ZNF682: variants seen among roughly 807,000 people sequenced by gnomAD.
ZNF682 encodes the protein zinc finger protein 682.
In ZNF682, 29 loss-of-function variants were observed where a neutral mutation model predicts 36.5. That is an observed-to-expected ratio of 0.80 (90% CI 0.59 to 1.08). The LOEUF (loss-of-function observed/expected upper bound fraction) is 1.08. Among genes scored for constraint, ZNF682 ranks in the 50% least tolerant of loss-of-function variants. The probability of loss-of-function intolerance (pLI) is 0.00; values close to 1 mark genes in which losing one functional copy is unlikely to be tolerated. For synonymous variants in ZNF682, 180 were observed against 197.0 expected (o/e 0.91, Z 0.72); for missense variants, 561 against 579.7 (o/e 0.97, Z 0.33).
intron 1 of ZNF682, among the ~76,000 whole-genome samples, chr19:20,025,752 T>C (rs1441070628): frequency 3.3e-5 from 5 of 151,368 alleles, no homozygotes; most frequent in Admixed American, 6.6e-5. Flanking sequence ...TCAACACACA[T>C]GGGCAGACAA....
downstream of ZNF682, among the ~76,000 whole-genome samples, chr19:20,000,319 T>C (rs567520309): frequency 1.3e-5 from 2 of 152,360 alleles, no homozygotes; most frequent in South Asian, 4.1e-4. Flanking sequence ...TGCTCTTCCA[T>C]GGTATTCTTA....
intron 1 of ZNF682, among the ~76,000 whole-genome samples, chr19:20,029,280 CTTTCT>C (rs2088459104): frequency 6.6e-6 from 1 of 150,920 alleles, no homozygotes; most frequent in South Asian, 2.1e-4. Flanking sequence ...CGCACCCAGC[CTTTCT>C]TTTGTTTTCT....
rs1303770572 is a variant in ZNF682, at chr19:20,005,965, C to A, written c.*40G>T. The A allele has an allele frequency of 1.3e-6, 2 of 1,528,490 alleles. No homozygotes were observed. The highest frequency in any genetic ancestry group is 1.4e-5 in the African/African-American group (1 of 71,936). The allele number at this position is 1,528,490 out of a possible 1,614,324, so 94.7% of individuals were successfully genotyped here. A position where few individuals can be genotyped will look rare whatever the true frequency, so the allele number is the denominator to read the frequency against. On this transcript the variant is annotated 3_prime_UTR_variant, in exon 4 of 4. Coordinates refer to ENST00000397165, the MANE Select transcript of ZNF682 (RefSeq NM_033196.3). The stretch of plus-strand genomic sequence containing the variant: ...TGAGCAAGATTTATGGAATTTGCCA[C>A]ATTCTTTACATTTGTAGGATTTCTC...
intron 3 of ZNF682, among the ~76,000 whole-genome samples, chr19:20,014,149 CAA>C (rs1415546082): frequency 1.3e-5 from 2 of 152,112 alleles, no homozygotes; most frequent in African/African-American, 4.8e-5. Context: ...AATAAAATCT[CAA>C]GAGACCATGA....
Position 20,015,874 on chromosome 19 carries a change from T to A in ZNF682, c.226+7130A>T, listed in dbSNP as rs10406434. The A allele has an allele frequency of 7.0e-3, 2,779 of 398,056 alleles. 70 individuals carry two copies. Among genetic ancestry groups the A allele is most frequent in the African/African-American group, 0.052 (2,517 of 48,732 alleles). 24.7% of individuals were successfully genotyped at this position (398,056 alleles called of 1,614,324 possible). ...AAGCAAAGAAAAGACTTACATCTTT[T>A]ACTGTAAGAACAATATAAATATTGT... is the stretch of plus-strand genomic sequence containing the variant. On this transcript the variant is annotated intron_variant, in intron 3 of 3. Transcript: ENST00000397165.
Position 20,006,323 on chromosome 19 carries a change from T to A in ZNF682, c.1179A>T (p.Gly393=), listed in dbSNP as rs757839511. ...ATTCTTCACATTTGTAGGGTTTCTC[T>A]CCAGTGTGAATTCTCTTGTGTTTAG... The part of the protein sequence containing the change: ...YLTKHKRIHT[G]EKPYKCEECG... The change falls in exon 4 of 4, where the codon GGA becomes GGT. Residue 393 remains glycine (G), a synonymous_variant. Coordinates refer to ENST00000397165, the MANE Select transcript of ZNF682 (RefSeq NM_033196.3). 14 of 1,613,416 alleles carry A rather than the reference T, an allele frequency of 8.7e-6. No individual in the cohort carries two copies. Among genetic ancestry groups the A allele is most frequent in the Non-Finnish European group, 1.2e-5 (14 of 1,179,992 alleles).
intron 1 of ZNF682, among the ~76,000 whole-genome samples, chr19:20,038,829 A>C (rs1320050756): frequency 1.3e-5 from 2 of 152,204 alleles, no homozygotes; most frequent in Non-Finnish European, 2.9e-5. Flanking sequence ...TGCACTTTAT[A>C]AAAAACTTTC....
chr19:20,011,721 A>G (rs1361804377), intron 3 of ZNF682, among the ~76,000 whole-genome samples: 6 of 152,224 alleles, frequency 3.9e-5, no homozygotes, highest in Admixed American at 2.6e-4. Context: ...GGCAGAAATC[A>G]GAAACTTATT....
chr19:19,999,082 C>T (rs956446969), intron 3 of ZNF682, among the ~76,000 whole-genome samples: 1 of 152,158 alleles, frequency 6.6e-6, no homozygotes, highest in African/African-American at 2.4e-5. Context: ...CTCCTTCTGC[C>T]AGATGATAAA....
In ZNF682 at chr19:20,005,858, G is replaced by T. The variant is rs530531525; in HGVS notation, c.*147C>A. On this transcript the variant is annotated 3_prime_UTR_variant, in exon 4 of 4. Transcript: ENST00000397165. Reference sequence around the variant, plus strand: ...TTTTCTTCTGTGCAATAAGCTGTCAGCAATGGTTGAAGACTTTCCCCACAT... The same window carrying T: ...TTTTCTTCTGTGCAATAAGCTGTCATCAATGGTTGAAGACTTTCCCCACAT... 2.5e-6 allele frequency: 2 copies of T among 792,984 alleles called. No homozygotes were observed. Among genetic ancestry groups the T allele is most frequent in the African/African-American group, 1.7e-5 (1 of 57,682 alleles). The allele number at this position is 792,984 out of a possible 1,614,324, so 49.1% of individuals were successfully genotyped here.
chr19:20,025,851 T>A (rs1449156913), intron 1 of ZNF682, among the ~76,000 whole-genome samples: 1 of 152,214 alleles, frequency 6.6e-6, no homozygotes, highest in African/African-American at 2.4e-5. Flanking sequence ...AAGTTCAAGC[T>A]ACAGATATCT....
chr19:20,034,715 G>T (rs1161496936), intron 1 of ZNF682, among the ~76,000 whole-genome samples: 1 of 149,852 alleles, frequency 6.7e-6, no homozygotes, highest in African/African-American at 2.5e-5. Flanking sequence ...AGAGGTTGCG[G>T]TGAGCCAAGA....
In ZNF682 at chr19:20,024,408, T is replaced by C. The variant is rs774962981; in HGVS notation, c.4-32A>G. On this transcript the variant is annotated intron_variant, in intron 1 of 3. Coordinates refer to ENST00000397165, the MANE Select transcript of ZNF682 (RefSeq NM_033196.3). ...AACAAAACAAAACATAGTGACCAAC[T>C]GTCAATGGGCAGAGTTCTTGACTCC... is the stretch of plus-strand genomic sequence containing the variant. 1.9e-6 allele frequency: 3 copies of C among 1,594,156 alleles called. No homozygotes were observed. The South Asian group carries it at 3.4e-5, about 18-fold the overall frequency.
At position 20,006,856 on chromosome 19, in the gene ZNF682, G is replaced by C. The variant is rs775707791; in HGVS notation, c.646C>G (p.Leu216Val). Residue 216 changes from leucine to valine, a missense_variant, in exon 4 of 4, where the codon CTT (leucine) becomes GTT (valine). Physicochemically the swap from Leu to Val is conservative, Grantham distance 32. Coordinates refer to ENST00000397165, the MANE Select transcript of ZNF682 (RefSeq NM_033196.3). ...GTGTGAATTCTCTTATGTTTAGTAA[G>C]GTATGAGAACCACTTAAAGGTTTTG... ...CGKTFKWFSY[L>V]TKHKRIHTGE... 1.2e-4 allele frequency: 201 copies of C among 1,613,848 alleles called. No individual in the cohort carries two copies. Among genetic ancestry groups the C allele is most frequent in the Non-Finnish European group, 1.3e-4 (151 of 1,179,932 alleles).
chr19:20,024,719 T>C (rs750941903), intron 1 of ZNF682, among the ~76,000 whole-genome samples: 2 of 152,176 alleles, frequency 1.3e-5, no homozygotes, highest in African/African-American at 4.8e-5. Flanking sequence ...ACGCCTGTAA[T>C]CCCAGTTACT....
intron 3 of ZNF682, among the ~76,000 whole-genome samples, chr19:20,019,892 A>G (rs1169471234): frequency 6.6e-6 from 1 of 152,088 alleles, no homozygotes; most frequent in Non-Finnish European, 1.5e-5. Context: ...ACAAGGTTGC[A>G]CTTGTACCCC....
At chr19:20,029,661 C>A (rs901458901) in intron 1 of ZNF682, among the ~76,000 whole-genome samples, 1 of 151,110 alleles carries the variant, frequency 6.6e-6, no homozygotes, top group Non-Finnish European at 1.5e-5. Flanking sequence ...AAGATAGACA[C>A]AAGAATGAAA....
intron 1 of ZNF682, among the ~76,000 whole-genome samples, chr19:20,026,704 G>T (rs915835455): frequency 6.6e-6 from 1 of 152,032 alleles, no homozygotes; most frequent in Non-Finnish European, 1.5e-5. Flanking sequence ...GGCCTCAAGC[G>T]ATCCTCCTGC....
chr19:20,030,443 G>A (rs765209200), intron 1 of ZNF682, among the ~76,000 whole-genome samples: 3 of 152,040 alleles, frequency 2.0e-5, no homozygotes, highest in Admixed American at 1.3e-4. Flanking sequence ...GGTGGTGCAC[G>A]CCTGTAATCC....
Sources: gnomAD v4.1 joint callset for allele counts (sites outside exome capture counted in the v4.1 genomes callset) on GRCh38, gnomAD v4.1.1 for gene constraint, MANE v1.5 for transcripts, NCBI Gene and HGNC (gene_info 2026-07-23, HGNC 2026-07-21) for gene names.